KCNJ3: variants seen among roughly 807,000 people sequenced by gnomAD.
KCNJ3 encodes the protein G protein-activated inward rectifier potassium channel 1.
KCNJ3 carries 4 observed loss-of-function variants against 39.2 expected under a neutral mutation model. The observed-to-expected ratio is 0.10, with a 90% CI of 0.05 to 0.23. The LOEUF (loss-of-function observed/expected upper bound fraction) is 0.23. Among genes scored for constraint, KCNJ3 ranks in the 10% least tolerant of loss-of-function variants. KCNJ3 has a pLI of 1.00. For missense variants in KCNJ3, 276 were observed against 634.9 expected, an observed-to-expected ratio of 0.43 and a Z score of 6.08; for synonymous variants, 230 against 237.4, an observed-to-expected ratio of 0.97 and a Z score of 0.29.
intron 2 of KCNJ3, among the ~76,000 whole-genome samples, chr2:154,746,374 T>C (rs1035731177): frequency 6.6e-6 from 1 of 151,842 alleles, no homozygotes; most frequent in East Asian, 1.9e-4. Context: ...GGGTGAACTG[T>C]ATAACCTATG....
chr2:154,773,813 A>G lies in KCNJ3; in HGVS notation c.919+63994A>G, dbSNP rs150353702. 8.5e-5 allele frequency among the ~76,000 whole-genome samples: 13 copies of G among 152,284 alleles called. No individual in the cohort carries two copies. The East Asian group carries it at 2.5e-3, about 29-fold the overall frequency. ...TATGTAAATTATATCTACTAAAAAC[A>G]TTGTGTAGTCATTATGAGATGTTAA... On this transcript the variant is annotated intron_variant, in intron 2 of 2. Coordinates refer to ENST00000295101, the MANE Select transcript of KCNJ3 (RefSeq NM_002239.4).
intron 2 of KCNJ3, among the ~76,000 whole-genome samples, chr2:154,763,700 G>A (rs1686084305): frequency 2.0e-5 from 3 of 152,148 alleles, no homozygotes; most frequent in Admixed American, 2.0e-4. Context: ...CTTGCATAGT[G>A]AGAGATGCTG....
At chr2:154,713,878 C>T (rs569692419) in intron 2 of KCNJ3, among the ~76,000 whole-genome samples, 1 of 152,302 alleles carries the variant, frequency 6.6e-6, no homozygotes, top group South Asian at 2.1e-4. Context: ...TTTCTGTACT[C>T]TCAGGCCTGC....
chr2:154,706,581 C>G, intron 1 of KCNJ3, among the ~76,000 whole-genome samples: 1 of 152,022 alleles, frequency 6.6e-6, no homozygotes, highest in Non-Finnish European at 1.5e-5. Context: ...GTTCCTTGAA[C>G]AAACATTCAA....
intron 2 of KCNJ3, among the ~76,000 whole-genome samples, chr2:154,799,644 C>T (rs1367576774): frequency 2.0e-5 from 3 of 152,176 alleles, no homozygotes; most frequent in Non-Finnish European, 4.4e-5. Context: ...ACAGGTCCCT[C>T]TTCCAATCTA....
chr2:154,770,375 C>T (rs752743184), intron 2 of KCNJ3, among the ~76,000 whole-genome samples: 9 of 151,870 alleles, frequency 5.9e-5, no homozygotes, highest in Non-Finnish European at 1.2e-4. Context: ...TCTGTTCCGT[C>T]GTAGCTCTTG....
intron 2 of KCNJ3, among the ~76,000 whole-genome samples, chr2:154,787,960 A>C: frequency 6.6e-6 from 1 of 152,038 alleles, no homozygotes. Flanking sequence ...ATTGGTAAAA[A>C]CTCTTTGATG....
intron 2 of KCNJ3, among the ~76,000 whole-genome samples, chr2:154,765,156 G>C (rs1165848443): frequency 6.6e-6 from 1 of 152,104 alleles, no homozygotes; most frequent in Non-Finnish European, 1.5e-5. Flanking sequence ...CAGAGCCCTA[G>C]TTATGGCAAC....
chr2:154,853,453 A>G (rs1054764457), intron 2 of KCNJ3, among the ~76,000 whole-genome samples: 2 of 152,146 alleles, frequency 1.3e-5, no homozygotes, highest in Non-Finnish European at 2.9e-5. Context: ...CTTAAAAACA[A>G]TAGAAATTAC....
chr2:154,827,061 C>A (rs1402138434), intron 2 of KCNJ3, among the ~76,000 whole-genome samples: 1 of 152,100 alleles, frequency 6.6e-6, no homozygotes, highest in Non-Finnish European at 1.5e-5. Flanking sequence ...GTTTCGTTTT[C>A]TGATTGGTAT....
At chr2:154,780,486 C>T (rs890863898) in intron 2 of KCNJ3, among the ~76,000 whole-genome samples, 3 of 152,032 alleles carry the variant, frequency 2.0e-5, no homozygotes, top group African/African-American at 7.3e-5. Flanking sequence ...AAGGAAACCA[C>T]TGGTAACAGT....
chr2:154,702,829 C>T (rs990256590), intron 1 of KCNJ3, among the ~76,000 whole-genome samples: 1 of 151,856 alleles, frequency 6.6e-6, no homozygotes, highest in Non-Finnish European at 1.5e-5. Context: ...TCCTCTTCTC[C>T]CCATATTGAA....
At chr2:154,841,235 GTGAT>G (rs1021579338) in intron 2 of KCNJ3, among the ~76,000 whole-genome samples, 2 of 152,044 alleles carry the variant, frequency 1.3e-5, no homozygotes, top group African/African-American at 4.8e-5. Context: ...ATGGATTACA[GTGAT>G]TGATTTGCAT....
In KCNJ3 at chr2:154,803,431, G is replaced by A. The variant is rs913897428; in HGVS notation, c.920-51296G>A. Among the ~76,000 whole-genome samples, 8 of 151,564 alleles carry A rather than the reference G, an allele frequency of 5.3e-5. No individual in the cohort carries two copies. The East Asian group carries it at 5.8e-4, about 11-fold the overall frequency. On this transcript the variant is annotated intron_variant, in intron 2 of 2. Transcript: ENST00000295101. ...ATTTTTAAATTAAAATAGTTCACAC[G>A]CACTAACACACAGAAAATAATTGAT...
chr2:154,838,231 G>C (rs568488394), intron 2 of KCNJ3, among the ~76,000 whole-genome samples: 1 of 152,262 alleles, frequency 6.6e-6, no homozygotes, highest in Non-Finnish European at 1.5e-5. Context: ...AGATGGAAGA[G>C]GACATGCCAG....
At chr2:154,709,335 G>C (rs1163736574) in intron 1 of KCNJ3, 1 of 473,910 alleles carries the variant, frequency 2.1e-6, no homozygotes, top group African/African-American at 2.0e-5. Flanking sequence ...AACAACCATT[G>C]TTGGACCAGG....
intron 2 of KCNJ3, among the ~76,000 whole-genome samples, chr2:154,826,827 T>C (rs1687280865): frequency 6.6e-6 from 1 of 152,216 alleles, no homozygotes; most frequent in Admixed American, 6.5e-5. Context: ...TGTGGATGTG[T>C]GTGGATGTCA....
At chr2:154,792,522 TG>T (rs1174725986) in intron 2 of KCNJ3, among the ~76,000 whole-genome samples, 1 of 152,130 alleles carries the variant, frequency 6.6e-6, no homozygotes, top group Non-Finnish European at 1.5e-5. Flanking sequence ...ATACAGTTGT[TG>T]CAGTGTGAAT....
chr2:154,718,277 C>A (rs1330451288), intron 2 of KCNJ3, among the ~76,000 whole-genome samples: 2 of 152,044 alleles, frequency 1.3e-5, no homozygotes, highest in African/African-American at 4.8e-5. Flanking sequence ...TTTTTGAGGC[C>A]ACACATTCCT....
Sources: allele counts gnomAD v4.1 joint callset (sites outside exome capture counted in the v4.1 genomes callset), GRCh38; gene constraint gnomAD v4.1.1; transcripts MANE v1.5; gene names NCBI Gene and HGNC (gene_info 2026-07-23, HGNC 2026-07-21).